CNOT10: variants seen among roughly 807,000 people sequenced by gnomAD.
CNOT10 encodes CCR4-NOT transcription complex subunit 10.
CNOT10 carries 30 observed loss-of-function variants against 94.6 expected under a neutral mutation model. The ratio of observed to expected loss-of-function variants is 0.32; its 90% CI spans 0.24 to 0.43. The LOEUF (loss-of-function observed/expected upper bound fraction) is 0.43. CNOT10 is among the 20% of genes least tolerant of loss of function. The pLI, the probability that CNOT10 is intolerant of heterozygous loss-of-function variation, is 1.00. For synonymous variants in CNOT10, 289 were observed against 301.6 expected (o/e 0.96, Z 0.43); for missense variants, 759 against 877.2 (o/e 0.87, Z 1.70).
chr3:32,737,004 A>G (rs542968679), intron 12 of CNOT10, among the ~76,000 whole-genome samples: 1 of 152,246 alleles, frequency 6.6e-6, no homozygotes, highest in Non-Finnish European at 1.5e-5. Flanking sequence ...ACTCTTTTAC[A>G]CTTTTGTTGT....
chr3:32,736,513 A>C (rs762800122), intron 12 of CNOT10, among the ~76,000 whole-genome samples: 1 of 152,196 alleles, frequency 6.6e-6, no homozygotes, highest in Non-Finnish European at 1.5e-5. Context: ...GGTGGCTCAC[A>C]CCTGTAATCC....
intron 1 of CNOT10, among the ~76,000 whole-genome samples, chr3:32,692,321 CTT>C (rs1696887735): frequency 1.3e-5 from 2 of 152,270 alleles, no homozygotes; most frequent in East Asian, 3.9e-4. Context: ...GTCTCAAACT[CTT>C]GGGCTGAAGG....
In CNOT10 at chr3:32,769,873, T is replaced by C. The variant is rs770986162; in HGVS notation, c.2005-14T>C. On this transcript the variant is annotated splice_polypyrimidine_tract_variant and intron_variant, in intron 17 of 18. Coordinates refer to ENST00000328834, the MANE Select transcript of CNOT10 (RefSeq NM_015442.3). The stretch of plus-strand genomic sequence containing the variant: ...TTTTGTTTTTTCACGGGCATCTTTC[T>C]GTTTTGAGCAAAGGCGGCTTCAATG... 2 of 1,611,472 alleles carry C rather than the reference T, an allele frequency of 1.2e-6. No individual in the cohort carries two copies. Among genetic ancestry groups the C allele is most frequent in the Admixed American group, 3.3e-5 (2 of 59,976 alleles).
intron 13 of CNOT10, among the ~76,000 whole-genome samples, chr3:32,755,471 A>G (rs1352425236): frequency 6.6e-6 from 1 of 151,730 alleles, no homozygotes; most frequent in Non-Finnish European, 1.5e-5. Flanking sequence ...GGCATGTGCC[A>G]CCACGCCTGT....
intron 18 of CNOT10, 133 bp from the exon 19 acceptor site, chr3:32,773,324 A>G (rs1050195866): frequency 1.1e-6 from 1 of 873,374 alleles, no homozygotes; most frequent in Non-Finnish European, 1.7e-6. Flanking sequence ...ATGGGATTCC[A>G]GTATACAGCC....
chr3:32,696,347 G>T (rs532884407), intron 1 of CNOT10, among the ~76,000 whole-genome samples: 25 of 151,736 alleles, frequency 1.6e-4, no homozygotes, highest in Non-Finnish European at 3.2e-4. Flanking sequence ...GAAGAAATGG[G>T]GTCTCACTGA....
intron 13 of CNOT10, among the ~76,000 whole-genome samples, chr3:32,749,262 C>G (rs1439537964): frequency 6.6e-6 from 1 of 152,046 alleles, no homozygotes; most frequent in African/African-American, 2.4e-5. Flanking sequence ...AAAGTTAATT[C>G]TTATTTTTGT....
At chr3:32,695,728 A>G in intron 1 of CNOT10, 2 of 1,536,050 alleles carry the variant, frequency 1.3e-6, no homozygotes, top group Non-Finnish European at 1.7e-6. Flanking sequence ...AAGGAAAGTC[A>G]AGCTTATGGG....
intron 11 of CNOT10, among the ~76,000 whole-genome samples, chr3:32,734,360 G>A (rs1401279298): frequency 6.6e-6 from 1 of 152,196 alleles, no homozygotes; most frequent in Non-Finnish European, 1.5e-5. Flanking sequence ...TAATGTTGGT[G>A]TTTCAAAGTG....
At chr3:32,686,389 G>A (rs2125481390) in intron 1 of CNOT10, among the ~76,000 whole-genome samples, 1 of 152,300 alleles carries the variant, frequency 6.6e-6, no homozygotes, top group Middle Eastern at 3.4e-3. Context: ...GTGGATTTTA[G>A]TAGGTTCTGG....
intron 12 of CNOT10, among the ~76,000 whole-genome samples, chr3:32,735,228 G>A (rs868595447): frequency 6.6e-6 from 1 of 152,092 alleles, no homozygotes; most frequent in Non-Finnish European, 1.5e-5. Flanking sequence ...AGTGGCTCAT[G>A]CCTGCCTGTA....
At chr3:32,685,995 C>G (rs1264507831) in intron 1 of CNOT10, among the ~76,000 whole-genome samples, 1 of 152,006 alleles carries the variant, frequency 6.6e-6, no homozygotes, top group African/African-American at 2.4e-5. Context: ...CCAGGCTGAT[C>G]TCGAACTTCT....
chr3:32,690,073 G>T (rs2125488205), intron 1 of CNOT10, among the ~76,000 whole-genome samples: 1 of 152,320 alleles, frequency 6.6e-6, no homozygotes, highest in East Asian at 1.9e-4. Context: ...ACAGGCCATG[G>T]AGGGAGTTTG....
chr3:32,738,880 A>T (rs1699318894), intron 13 of CNOT10, among the ~76,000 whole-genome samples: 2 of 150,552 alleles, frequency 1.3e-5, no homozygotes, highest in South Asian at 2.1e-4. Context: ...ATGTCTGTAG[A>T]ATCTGCAGTT....
chr3:32,724,923 A>G (rs1303776094), intron 8 of CNOT10, among the ~76,000 whole-genome samples: 1 of 152,234 alleles, frequency 6.6e-6, no homozygotes, highest in Admixed American at 6.5e-5. Context: ...TTCCATGCAT[A>G]CTTGCTTCCT....
At chr3:32,689,671 C>G (rs1271221179) in intron 1 of CNOT10, among the ~76,000 whole-genome samples, 1 of 152,096 alleles carries the variant, frequency 6.6e-6, no homozygotes, top group Non-Finnish European at 1.5e-5. Flanking sequence ...AAGAGACACT[C>G]AACACATAAT....
chr3:32,743,802 C>T (rs1229932047), intron 13 of CNOT10, among the ~76,000 whole-genome samples: 1 of 152,052 alleles, frequency 6.6e-6, no homozygotes, highest in African/African-American at 2.4e-5. Flanking sequence ...TGTTTGCTTT[C>T]CATATGTCAT....
At chr3:32,703,122 C>T (rs1027086653) in intron 1 of CNOT10, among the ~76,000 whole-genome samples, 2 of 122,470 alleles carry the variant, frequency 1.6e-5, no homozygotes. Context: ...GACGGGGTTT[C>T]ACCGTGTTAG....
intron 10 of CNOT10, among the ~76,000 whole-genome samples, chr3:32,731,403 G>A (rs1344062216): frequency 6.6e-6 from 1 of 152,166 alleles, no homozygotes; most frequent in Non-Finnish European, 1.5e-5. Context: ...GTTTGTTCTG[G>A]TATGTGAGAA....
Sources: gnomAD v4.1 joint callset for allele counts (sites outside exome capture counted in the v4.1 genomes callset) on GRCh38, gnomAD v4.1.1 for gene constraint, MANE v1.5 for transcripts, NCBI Gene and HGNC (gene_info 2026-07-23, HGNC 2026-07-21) for gene names.